The following PTP4A1 variants were observed in gnomAD, a reference collection of about 807,000 sequenced individuals.
PTP4A1 encodes the protein protein tyrosine phosphatase 4A1.
In PTP4A1, 9 loss-of-function variants were observed where a neutral mutation model predicts 20.5. The observed-to-expected ratio is 0.44, with a 90% CI of 0.26 to 0.77. PTP4A1 has a LOEUF of 0.77. Among genes scored for constraint, PTP4A1 ranks in the 30% least tolerant of loss-of-function variants. The probability of loss-of-function intolerance (pLI) is 0.19; values close to 1 mark genes in which losing one functional copy is unlikely to be tolerated. For synonymous variants in PTP4A1, 78 were observed against 67.4 expected (o/e 1.16, Z -0.77); for missense variants, 137 against 218.8 (o/e 0.63, Z 2.36).
At chr6:63,556,706 C>T (rs1776702062) in intron 3 of PTP4A1, among the ~76,000 whole-genome samples, 1 of 152,200 alleles carries the variant, frequency 6.6e-6, no homozygotes, top group South Asian at 2.1e-4. Context: ...ATTCCTGAGT[C>T]ACTGATACTG....
At chr6:63,535,425 A>G (rs1001936039) in intron 2 of PTP4A1, among the ~76,000 whole-genome samples, 1 of 152,150 alleles carries the variant, frequency 6.6e-6, no homozygotes, top group Non-Finnish European at 1.5e-5. Flanking sequence ...CCGAGATTGC[A>G]CCACTGCACT....
At chr6:63,562,652 T>C (rs2149497038) in intron 3 of PTP4A1, among the ~76,000 whole-genome samples, 1 of 152,356 alleles carries the variant, frequency 6.6e-6, no homozygotes, top group South Asian at 2.1e-4. Context: ...AGCACATGGC[T>C]TGGAAAACAA....
At position 63,580,235 on chromosome 6, in the gene PTP4A1, T is replaced by C; in HGVS notation, c.*61T>C. On this transcript the variant is annotated 3_prime_UTR_variant, in exon 6 of 6. Transcript: ENST00000626021. ...GAGATAGGGCCTAATTTGTTATACA[T>C]ATTAGCCAACATGTTGGCTTAGTAA... 2 of 1,303,190 alleles carry C rather than the reference T, an allele frequency of 1.5e-6. No individual in the cohort carries two copies. The highest frequency in any genetic ancestry group is 1.2e-5 in the South Asian group (1 of 84,222). The allele number at this position is 1,303,190 out of a possible 1,614,324, so 80.7% of individuals were successfully genotyped here.
rs1777887493 is a variant in PTP4A1, at chr6:63,576,723, G to T, written c.-158G>T. 1 of 632,828 alleles carries T rather than the reference G, an allele frequency of 1.6e-6. No individual in the cohort carries two copies. The highest frequency in any genetic ancestry group is 1.9e-5 in the African/African-American group (1 of 53,888). 39.2% of individuals were successfully genotyped at this position (632,828 alleles called of 1,614,324 possible). ...AAGAATTGCTGCTTCTTGTTAGGAG[G>T]TTCATTTCACTTATCATTACTTACA... On this transcript the variant is annotated 5_prime_UTR_variant, in exon 2 of 6. Transcript: ENST00000626021.
At chr6:63,562,973 T>C (rs1045268104) in intron 3 of PTP4A1, among the ~76,000 whole-genome samples, 2 of 152,252 alleles carry the variant, frequency 1.3e-5, no homozygotes, top group Admixed American at 1.3e-4. Flanking sequence ...GTTTGGCCTT[T>C]GACAATTTTT....
At chr6:63,520,402 G>A (rs1241234602), upstream of PTP4A1, among the ~76,000 whole-genome samples, 4 of 152,194 alleles carry the variant, frequency 2.6e-5, no homozygotes, top group East Asian at 5.8e-4. Context: ...TGAGGCGGGC[G>A]GATCACTTGA....
Position 63,561,667 on chromosome 6 carries a change from G to A in PTP4A1, c.-446+11174G>A, listed in dbSNP as rs537119125. ...CCTTGGGTTTTAGATGTTTCCAAAC[G>A]TTTAGAGGTGATTTCTTGGTTTATA... On this transcript the variant is annotated intron_variant, in intron 3 of 3. Transcript: ENST00000639568. Among the ~76,000 whole-genome samples, 5 of 152,248 alleles carry A rather than the reference G, an allele frequency of 3.3e-5. No individual in the cohort carries two copies. The South Asian group carries it at 6.2e-4, about 19-fold the overall frequency.
rs1778271691 is a variant in PTP4A1, at chr6:63,582,056, CACTT to C, written c.*1884_*1887del. The C allele has an allele frequency of 6.6e-6, 1 of 152,098 alleles. No homozygotes were observed. Among genetic ancestry groups the C allele is most frequent in the Non-Finnish European group, 1.5e-5 (1 of 68,000 alleles). 9.4% of individuals were successfully genotyped at this position (152,098 alleles called of 1,614,324 possible). A position where few individuals can be genotyped will look rare whatever the true frequency, so the allele number is the denominator to read the frequency against. On this transcript the variant is annotated 3_prime_UTR_variant, in exon 6 of 6. Coordinates refer to ENST00000626021, the MANE Select transcript of PTP4A1 (RefSeq NM_003463.5). ...GTTCCACCTCTTCATACCAGTTTAA[CACTT>C]AATATATTTCATTGGATTTTAGACA...
At chr6:63,571,448 G>A (rs1359076506), upstream of PTP4A1, 4 of 152,174 alleles carry the variant, frequency 2.6e-5, no homozygotes, top group Admixed American at 1.3e-4. Context: ...ATAAATAACA[G>A]AGGTGCCCTT....
chr6:63,529,177 GTA>G (rs1263638909), intron 2 of PTP4A1, among the ~76,000 whole-genome samples: 3 of 142,300 alleles, frequency 2.1e-5, no homozygotes, highest in African/African-American at 7.8e-5. Context: ...ATATATATAT[GTA>G]TATATATGTG....
chr6:63,523,330 C>T (rs57077750), intron 1 of PTP4A1, among the ~76,000 whole-genome samples: 1 of 151,872 alleles, frequency 6.6e-6, no homozygotes, highest in Non-Finnish European at 1.5e-5. Flanking sequence ...GTCAGGAGTT[C>T]GAGACTAGCC....
intron 2 of PTP4A1, among the ~76,000 whole-genome samples, chr6:63,534,631 G>A (rs1400549166): frequency 6.6e-6 from 1 of 152,040 alleles, no homozygotes; most frequent in Non-Finnish European, 1.5e-5. Context: ...AACGTAGCAA[G>A]ACACCATGTC....
intron 1 of PTP4A1, among the ~76,000 whole-genome samples, chr6:63,527,249 C>T (rs973977557): frequency 3.9e-5 from 6 of 152,182 alleles, no homozygotes; most frequent in African/African-American, 1.4e-4. Flanking sequence ...AAACAGAGCA[C>T]ATGTTCTCTT....
At chr6:63,533,968 C>T (rs576728008) in intron 2 of PTP4A1, among the ~76,000 whole-genome samples, 7 of 151,962 alleles carry the variant, frequency 4.6e-5, no homozygotes, top group Non-Finnish European at 7.4e-5. Flanking sequence ...CTCAGCCTCC[C>T]GAGTAGCTGG....
intron 2 of PTP4A1, among the ~76,000 whole-genome samples, chr6:63,535,671 T>C (rs1337760559): frequency 1.3e-5 from 2 of 152,192 alleles, no homozygotes; most frequent in Non-Finnish European, 2.9e-5. Flanking sequence ...AGCAACATCA[T>C]AAACACATTT....
upstream of PTP4A1, among the ~76,000 whole-genome samples, chr6:63,519,229 C>T (rs149325264): frequency 0.035 from 5,390 of 151,968 alleles, 130 homozygotes; most frequent in Middle Eastern, 0.068. Context: ...ATCACTGAAA[C>T]CTGGGAGGCA....
chr6:63,574,966 A>G (rs767059552), intron 1 of PTP4A1, among the ~76,000 whole-genome samples: 26 of 152,216 alleles, frequency 1.7e-4, no homozygotes, highest in Non-Finnish European at 2.9e-4. Flanking sequence ...AACTTGTGAT[A>G]ATGAAAGTTA....
At chr6:63,560,480 G>A (rs1437391014) in intron 3 of PTP4A1, among the ~76,000 whole-genome samples, 1 of 148,706 alleles carries the variant, frequency 6.7e-6, no homozygotes, top group East Asian at 2.0e-4. Flanking sequence ...TAGACTCACT[G>A]CAACCTCTGC....
Position 63,576,958 on chromosome 6 carries a change from C to T in PTP4A1, c.78C>T (p.Thr26=). Residue 26 remains threonine (T), a synonymous_variant, in exon 2 of 6, where the codon ACC becomes ACT. Transcript: ENST00000626021. ...NMRFLITHNP[T]NATLNKFIEE... ...GATTTCTTATTACACACAATCCAAC[C>T]AATGCGACCTTAAACAAATTTATAG... 12 of 1,613,804 alleles carry T rather than the reference C, an allele frequency of 7.4e-6. No homozygotes were observed. Among genetic ancestry groups the T allele is most frequent in the Non-Finnish European group, 9.3e-6 (11 of 1,179,772 alleles).
Sources: allele counts gnomAD v4.1 joint callset (sites outside exome capture counted in the v4.1 genomes callset), GRCh38; gene constraint gnomAD v4.1.1; transcripts MANE v1.5; gene names NCBI Gene and HGNC (gene_info 2026-07-23, HGNC 2026-07-21).